CRHR1: variants seen among roughly 807,000 people sequenced by gnomAD.
The protein encoded by CRHR1 is corticotropin releasing hormone receptor 1, also known as corticotropin-releasing hormone receptor 1.
Under a neutral mutation model 56.0 loss-of-function variants are expected in CRHR1, and 28 were observed. The ratio of observed to expected loss-of-function variants is 0.50; its 90% CI spans 0.37 to 0.69. The LOEUF (loss-of-function observed/expected upper bound fraction) is 0.69, where lower values mean the gene tolerates loss of function less well. Among genes scored for constraint, CRHR1 ranks in the 30% least tolerant of loss-of-function variants. The pLI is 0.00. For missense variants in CRHR1, 376 were observed against 548.0 expected (o/e 0.69, Z 3.13); for synonymous variants, 195 against 216.5 (o/e 0.90, Z 0.87).
chr17:45,834,809 G>A lies in CRHR1; in HGVS notation c.*45G>A, dbSNP rs768694769. On this transcript the variant is annotated 3_prime_UTR_variant, in exon 13 of 13. Coordinates refer to ENST00000314537, the MANE Select transcript of CRHR1 (RefSeq NM_004382.5). ...GCCCCCAAAGAGCTGTGGCTGGGGG[G>A]ATGACGGCCAGGCTCCCTGACCACC... The A allele has an allele frequency of 6.2e-7, 1 of 1,610,618 alleles. No homozygotes were observed. Among genetic ancestry groups the A allele is most frequent in the Non-Finnish European group, 8.5e-7 (1 of 1,178,568 alleles).
At chr17:45,807,823 C>A (rs556369320) in intron 2 of CRHR1, among the ~76,000 whole-genome samples, 1 of 152,280 alleles carries the variant, frequency 6.6e-6, no homozygotes, top group South Asian at 2.1e-4. Flanking sequence ...GAGTGTAAAG[C>A]CGAACGTTTG....
At chr17:45,825,272 G>T (rs932261550) in intron 4 of CRHR1, among the ~76,000 whole-genome samples, 14 of 152,290 alleles carry the variant, frequency 9.2e-5, no homozygotes, top group Admixed American at 1.3e-4. Flanking sequence ...ACCACCAGGG[G>T]ACAGGCCCCC....
chr17:45,819,247 A>G (rs1278966368), intron 3 of CRHR1, among the ~76,000 whole-genome samples: 1 of 152,242 alleles, frequency 6.6e-6, no homozygotes, highest in Non-Finnish European at 1.5e-5. Context: ...TTAACTAAAA[A>G]TATTCAACTC....
At chr17:45,815,234 A>G (rs242940) in intron 2 of CRHR1, among the ~76,000 whole-genome samples, 73,368 of 152,086 alleles carry the variant, frequency 0.48, 19,007 homozygotes, top group East Asian at 0.91. Flanking sequence ...ACCTGGGGAC[A>G]CTGGGGCTCA....
chr17:45,834,350 G>T (rs242949), intron 12 of CRHR1, among the ~76,000 whole-genome samples: 70,815 of 152,162 alleles, frequency 0.47, 17,363 homozygotes, highest in East Asian at 0.81. Context: ...ATACATGTGG[G>T]TTGAGGGCAG....
chr17:45,802,813 C>A (rs1054848460), intron 1 of CRHR1, among the ~76,000 whole-genome samples: 1 of 152,182 alleles, frequency 6.6e-6, no homozygotes, highest in Non-Finnish European at 1.5e-5. Context: ...CATTTTCTGA[C>A]GAATCAAGAT....
At position 45,803,775 on chromosome 17, in the gene CRHR1, T is replaced by TGTGTGTGCGCGC. The variant is rs71138510; in HGVS notation, c.34-3234_34-3233insTGTGTGCGCGCG. Among the ~76,000 whole-genome samples, 807 of 150,432 alleles carry TGTGTGTGCGCGC rather than the reference T, an allele frequency of 5.4e-3. 8 individuals are homozygous for TGTGTGTGCGCGC. Among genetic ancestry groups the TGTGTGTGCGCGC allele is most frequent in the African/African-American group, 0.018 (756 of 40,936 alleles). ...GAGAGTGCGTGTGTGTGTGTGTGTG[T>TGTGTGTGCGCGC]GCGTGCGCGTGCGCGTGTGTGCATG... is the stretch of plus-strand genomic sequence containing the variant. On this transcript the variant is annotated intron_variant, in intron 1 of 12. Transcript: ENST00000314537.
chr17:45,812,324 G>T (rs1005754433), intron 2 of CRHR1, among the ~76,000 whole-genome samples: 3 of 152,190 alleles, frequency 2.0e-5, no homozygotes, highest in Admixed American at 6.5e-5. Context: ...TACCAGGAGA[G>T]GCACTGTGGG....
intron 2 of CRHR1, among the ~76,000 whole-genome samples, chr17:45,808,301 C>T (rs1347989274): frequency 6.6e-6 from 1 of 152,230 alleles, no homozygotes; most frequent in Non-Finnish European, 1.5e-5. Flanking sequence ...GAGGCCTCCA[C>T]ATCTCATGGT....
chr17:45,804,512 G>A (rs187975648), intron 1 of CRHR1, among the ~76,000 whole-genome samples: 306 of 152,260 alleles, frequency 2.0e-3, no homozygotes, highest in African/African-American at 6.9e-3. Flanking sequence ...ACAGGACTGG[G>A]AGGGAGTGGG....
intron 4 of CRHR1, among the ~76,000 whole-genome samples, chr17:45,825,269 G>C (rs1050838946): frequency 2.6e-5 from 4 of 152,166 alleles, no homozygotes; most frequent in African/African-American, 9.7e-5. Flanking sequence ...AGCACCACCA[G>C]GGGACAGGCC....
intron 1 of CRHR1, among the ~76,000 whole-genome samples, chr17:45,805,699 T>G (rs539242850): frequency 6.6e-6 from 1 of 152,158 alleles, no homozygotes; most frequent in South Asian, 2.1e-4. Context: ...GGAACTCTGC[T>G]GGTGGCCGGG....
At chr17:45,830,324 G>C (rs926588342) in intron 6 of CRHR1, 93 bp from the exon 7 acceptor site, 7 of 1,587,532 alleles carry the variant, frequency 4.4e-6, no homozygotes, top group Non-Finnish European at 6.0e-6. Context: ...GGATCCCAGG[G>C]TATGCCCTGT....
intron 2 of CRHR1, 142 bp from the exon 3 acceptor site, chr17:45,816,321 A>C: frequency 1.8e-6 from 2 of 1,120,244 alleles, no homozygotes; most frequent in East Asian, 5.2e-5. Context: ...TCATTTCTGC[A>C]CTGGTCATTG....
intron 1 of CRHR1, among the ~76,000 whole-genome samples, chr17:45,789,228 C>T (rs1018288138): frequency 1.3e-5 from 2 of 152,202 alleles, no homozygotes; most frequent in African/African-American, 4.8e-5. Context: ...CGGTATCAAC[C>T]AAAGAAGGGT....
intron 2 of CRHR1, among the ~76,000 whole-genome samples, chr17:45,812,891 C>T (rs1374544403): frequency 1.3e-5 from 2 of 152,152 alleles, no homozygotes; most frequent in Non-Finnish European, 2.9e-5. Context: ...GTGCAAAGCG[C>T]CTTTCACAGT....
At chr17:45,828,535 A>G (rs1195992585) in intron 4 of CRHR1, among the ~76,000 whole-genome samples, 1 of 152,244 alleles carries the variant, frequency 6.6e-6, no homozygotes, top group African/African-American at 2.4e-5. Context: ...TATTAAATTC[A>G]TTAAGAAATA....
At chr17:45,803,448 G>A (rs1049733233) in intron 1 of CRHR1, among the ~76,000 whole-genome samples, 3 of 152,096 alleles carry the variant, frequency 2.0e-5, no homozygotes, top group Non-Finnish European at 4.4e-5. Context: ...GTGCAATGGC[G>A]TGATCTCGGC....
intron 1 of CRHR1, among the ~76,000 whole-genome samples, chr17:45,794,435 A>G (rs2061481537): frequency 6.6e-6 from 1 of 152,250 alleles, no homozygotes; most frequent in Non-Finnish European, 1.5e-5. Flanking sequence ...TGCCTGGCCC[A>G]GATCTCTGGT....
Sources: gnomAD v4.1 joint callset for allele counts (sites outside exome capture counted in the v4.1 genomes callset) on GRCh38, gnomAD v4.1.1 for gene constraint, MANE v1.5 for transcripts, NCBI Gene and HGNC (gene_info 2026-07-23, HGNC 2026-07-21) for gene names.